WNT9A: variants seen among roughly 807,000 people sequenced by gnomAD.
WNT9A encodes the protein Wnt family member 9A.
In WNT9A, 8 loss-of-function variants were observed where a neutral mutation model predicts 31.4. The observed-to-expected ratio is 0.26, with a 90% CI of 0.15 to 0.46. WNT9A has a LOEUF of 0.46. Ranked by LOEUF, WNT9A falls within the 20% of genes least tolerant of loss-of-function variation. The pLI, the probability that WNT9A is intolerant of heterozygous loss-of-function variation, is 0.99. For missense variants in WNT9A, 457 were observed against 522.9 expected (o/e 0.87, Z 1.23); for synonymous variants, 236 against 220.1 (o/e 1.07, Z -0.64).
rs1023895002 is a variant in WNT9A, at chr1:227,925,487, G to A, written c.128C>T (p.Pro43Leu). Residue 43 changes from proline (P) to leucine (L), a missense_variant, in exon 2 of 4, where the codon CCG becomes CTG. Transcript: ENST00000272164. The surrounding 1 kb of genome is among the most constrained non-coding windows in gnomAD (Gnocchi z 6.0). ...LTGSEPLTIL[P>L]LTLEPEAAAQ... The stretch of plus-strand genomic sequence containing the variant: ...AGCCGCCTCTGGCTCCAGGGTCAGC[G>A]GGAGGATGGTCAGGGGCTCGCTGCC... The A allele has an allele frequency of 6.4e-6, 10 of 1,569,860 alleles. No homozygotes were observed. Among genetic ancestry groups the A allele is most frequent in the Admixed American group, 3.5e-5 (2 of 56,504 alleles).
intron 1 of WNT9A, among the ~76,000 whole-genome samples, chr1:227,940,359 C>T (rs942669287): frequency 6.6e-6 from 1 of 152,180 alleles, no homozygotes; most frequent in African/African-American, 2.4e-5. Context: ...GTGACCACAG[C>T]CCCCCATGGC....
At chr1:227,936,857 C>G (rs1666603540) in intron 1 of WNT9A, among the ~76,000 whole-genome samples, 1 of 152,186 alleles carries the variant, frequency 6.6e-6, no homozygotes, top group Admixed American at 6.5e-5. Flanking sequence ...TGGGAAGACA[C>G]TGGGCTTCTG....
rs751293485 is a variant in WNT9A at position 227,924,173 on chromosome 1, G to C, written c.580C>G (p.Arg194Gly). 6 of 1,378,356 alleles carry C rather than the reference G, an allele frequency of 4.4e-6. No individual in the cohort carries two copies. The East Asian group carries it at 2.6e-4, about 60-fold the overall frequency. 85.4% of individuals were successfully genotyped at this position (1,378,356 alleles called of 1,614,324 possible). The change falls in exon 3 of 4, where the codon CGT (arginine) becomes GGT (glycine). Residue 194 changes from arginine to glycine, a missense_variant. By Grantham distance (125) the Arg-to-Gly change is moderately radical. Coordinates refer to ENST00000272164, the MANE Select transcript of WNT9A (RefSeq NM_003395.4). ...ACGAGGTTGTTGTGGAAGTCCACAC[G>C]GGCTCGCAGATCCTTGCTTGACCGT... ...GRRSSKDLRA[R>G]VDFHNNLVGV...
intron 1 of WNT9A, among the ~76,000 whole-genome samples, chr1:227,946,436 C>A (rs942905958): frequency 6.6e-6 from 1 of 152,232 alleles, no homozygotes; most frequent in Admixed American, 6.5e-5. Context: ...CGGTGAGTCA[C>A]CGCGGACCTG....
chr1:227,941,173 C>T (rs558542456), intron 1 of WNT9A, among the ~76,000 whole-genome samples: 1 of 152,118 alleles, frequency 6.6e-6, no homozygotes, highest in African/African-American at 2.4e-5. Context: ...CTGTAGGACC[C>T]GGGGCTGGGC....
At position 227,922,801 on chromosome 1, in the gene WNT9A, C is replaced by A. The variant is rs560186200; in HGVS notation, c.616-801G>T. Reference sequence around the variant, plus strand: ...CAGGCCTGGTGGGGAGGTCCCTTCCCAGGTGGGACCCGAGCCAGGCGGCTC... The same window carrying A: ...CAGGCCTGGTGGGGAGGTCCCTTCCAAGGTGGGACCCGAGCCAGGCGGCTC... On this transcript the variant is annotated intron_variant, in intron 3 of 3. Coordinates refer to ENST00000272164, the MANE Select transcript of WNT9A (RefSeq NM_003395.4). Among the ~76,000 whole-genome samples, 17 of 152,350 alleles carry A rather than the reference C, an allele frequency of 1.1e-4. No individual in the cohort carries two copies. The South Asian group carries it at 3.5e-3, about 32-fold the overall frequency.
chr1:227,926,789 A>T lies in WNT9A; in HGVS notation c.96-1270T>A, dbSNP rs1666427275. On this transcript the variant is annotated intron_variant, in intron 1 of 3. Transcript: ENST00000272164. This position sits in a 1 kb window ranked among gnomAD's most constrained non-coding sequence, Gnocchi z 5.0. ...GTGCCAGCTTGGGAAGGCTCCCCCC[A>T]CACCCTCACATGGCCCTGCTAGACC... Among the ~76,000 whole-genome samples the T allele has an allele frequency of 6.6e-6, 1 of 151,856 alleles. No individual in the cohort carries two copies. The highest frequency in any genetic ancestry group is 1.5e-5 in the Non-Finnish European group (1 of 67,942).
chr1:227,924,455 A>G (rs1280398987), intron 2 of WNT9A, 55 bp from the exon 3 acceptor site: 4 of 1,567,292 alleles, frequency 2.6e-6, no homozygotes, highest in Non-Finnish European at 3.5e-6. Flanking sequence ...TTCCCCCTTC[A>G]CTGTCCTGCA....
In WNT9A at chr1:227,942,270, C is replaced by T. The variant is rs1311046382; in HGVS notation, c.95+5523G>A. On this transcript the variant is annotated intron_variant, in intron 1 of 3. Transcript: ENST00000272164. This position sits in a 1 kb window ranked among gnomAD's most constrained non-coding sequence, Gnocchi z 5.7. ...CTGCTGCTCCGTCCTTACCACACAC[C>T]CTCCACACCCTCCAGGGAGCCAGGA... Among the ~76,000 whole-genome samples the T allele has an allele frequency of 6.6e-6, 1 of 152,164 alleles. No homozygotes were observed. The highest frequency in any genetic ancestry group is 6.5e-5 in the Admixed American group (1 of 15,284).
At chr1:227,944,899 C>G (rs1246204600) in intron 1 of WNT9A, among the ~76,000 whole-genome samples, 1 of 152,242 alleles carries the variant, frequency 6.6e-6, no homozygotes, top group Non-Finnish European at 1.5e-5. Flanking sequence ...CAGACCTCAT[C>G]CCGAGCCAGC....
In WNT9A at chr1:227,921,870, G is replaced by C; in HGVS notation, c.746C>G (p.Thr249Arg). The change falls in exon 4 of 4, where the codon ACG becomes AGG. Residue 249 changes from threonine (T) to arginine (R), a missense_variant. Physicochemically the swap from Thr to Arg is moderately conservative, Grantham distance 71 (BLOSUM62 -1). Coordinates refer to ENST00000272164, the MANE Select transcript of WNT9A (RefSeq NM_003395.4). ...GGTGGTGCTGCCCACCTTGAGTGCC[G>C]TCTCATACTTGTGCTTCAGATGCTT... Reference protein sequence around the residue: ...VGKHLKHKYETALKVGSTTNE... With the variant: ...VGKHLKHKYERALKVGSTTNE... 1 of 1,613,144 alleles carries C rather than the reference G, an allele frequency of 6.2e-7. No homozygotes were observed. Among genetic ancestry groups the C allele is most frequent in the Non-Finnish European group, 8.5e-7 (1 of 1,179,932 alleles).
At chr1:227,941,603 G>C (rs1266061797) in intron 1 of WNT9A, 4 of 154,140 alleles carry the variant, frequency 2.6e-5, no homozygotes, top group Non-Finnish European at 5.9e-5. Context: ...CCGACCTCAA[G>C]GGACAGGCGA....
In WNT9A at chr1:227,920,606, T is replaced by G. The variant is rs1004667982; in HGVS notation, c.*912A>C. The G allele has an allele frequency of 6.6e-6, 1 of 152,116 alleles. No homozygotes were observed. The highest frequency in any genetic ancestry group is 2.4e-5 in the African/African-American group (1 of 41,468). The allele number at this position is 152,116 out of a possible 1,614,324, so 9.4% of individuals were successfully genotyped here. On this transcript the variant is annotated 3_prime_UTR_variant, in exon 4 of 4. Transcript: ENST00000272164. ...CAGGCTGCGTCCTCTTCTAGTGGTTTGAGTCTCTGAAGACAGTGCTGGTGT... is the reference window on the plus strand; with the variant it reads ...CAGGCTGCGTCCTCTTCTAGTGGTTGGAGTCTCTGAAGACAGTGCTGGTGT...
Position 227,944,628 on chromosome 1 carries a change from T to C in WNT9A, c.95+3165A>G, listed in dbSNP as rs1180401856. On this transcript the variant is annotated intron_variant, in intron 1 of 3. Transcript: ENST00000272164. ...GCTTCTGGACCAGTTCCAAGCACCTTTCCAGCCCCGATGGCTGGCTCTGGG... is the reference window on the plus strand; with the variant it reads ...GCTTCTGGACCAGTTCCAAGCACCTCTCCAGCCCCGATGGCTGGCTCTGGG... Among the ~76,000 whole-genome samples the C allele has an allele frequency of 5.3e-5, 8 of 152,214 alleles. No individual in the cohort carries two copies. The East Asian group carries it at 1.4e-3, about 26-fold the overall frequency.
chr1:227,938,711 C>T (rs536356020), intron 1 of WNT9A, among the ~76,000 whole-genome samples: 230 of 152,204 alleles, frequency 1.5e-3, no homozygotes, highest in South Asian at 2.7e-3. Context: ...TGTAAAAATT[C>T]GCTTTAGTTG....
chr1:227,928,998 G>A lies in WNT9A; in HGVS notation c.96-3479C>T, dbSNP rs1014181098. 3.3e-5 allele frequency among the ~76,000 whole-genome samples: 5 copies of A among 152,276 alleles called. No individual in the cohort carries two copies. Among genetic ancestry groups the A allele is most frequent in the African/African-American group, 1.2e-4 (5 of 41,538 alleles). ...CTCACACCCCAGACCAGGGGCCGGCGCTGTGCACGTGTGTGTGTGTGTCTG... is the reference window on the plus strand; with the variant it reads ...CTCACACCCCAGACCAGGGGCCGGCACTGTGCACGTGTGTGTGTGTGTCTG... On this transcript the variant is annotated intron_variant, in intron 1 of 3. Coordinates refer to ENST00000272164, the MANE Select transcript of WNT9A (RefSeq NM_003395.4). This position sits in a 1 kb window ranked among gnomAD's most constrained non-coding sequence, Gnocchi z 4.5.
chr1:227,922,785 T>TGG (rs1666345340), intron 3 of WNT9A, among the ~76,000 whole-genome samples: 1 of 152,170 alleles, frequency 6.6e-6, no homozygotes, highest in Non-Finnish European at 1.5e-5. Flanking sequence ...ACAGGCCTGG[T>TGG]GGGGAGGTCC....
Position 227,921,984 on chromosome 1 carries a change from A to G in WNT9A, c.632T>C (p.Val211Ala), listed in dbSNP as rs1316806510. 3 of 1,607,650 alleles carry G rather than the reference A, an allele frequency of 1.9e-6. No homozygotes were observed. The South Asian group carries it at 3.3e-5, about 18-fold the overall frequency. ...LVGVKVIKAG[V>A]ETTCKCHGVS... ...GCCGTGGCACTTGCAGGTGGTCTCC[A>G]CCCCAGCCTTGATCACCTGGCAGAA... The change falls in exon 4 of 4, where the codon GTG becomes GCG. Residue 211 changes from valine (V) to alanine (A), a missense_variant. Coordinates refer to ENST00000272164, the MANE Select transcript of WNT9A (RefSeq NM_003395.4).
Position 227,919,704 on chromosome 1 carries a change from C to T in WNT9A, c.*1814G>A, listed in dbSNP as rs1222489327. The T allele has an allele frequency of 1.5e-4, 22 of 143,164 alleles. 1 individual carries two copies. The highest frequency in any genetic ancestry group is 3.1e-4 in the Non-Finnish European group (20 of 64,762). 8.9% of individuals were successfully genotyped at this position (143,164 alleles called of 1,614,324 possible). A position where few individuals can be genotyped will look rare whatever the true frequency, so the allele number is the denominator to read the frequency against. On this transcript the variant is annotated 3_prime_UTR_variant, in exon 4 of 4. Coordinates refer to ENST00000272164, the MANE Select transcript of WNT9A (RefSeq NM_003395.4). ...GCCAGTATACACACACACACACACA[C>T]ACACACACACACACACACAGACCAT...
Sources: gnomAD v4.1 joint callset for allele counts (sites outside exome capture counted in the v4.1 genomes callset) on GRCh38, gnomAD v4.1.1 for gene constraint, Gnocchi (gnomAD v3.1) non-coding constraint, MANE v1.5 for transcripts, NCBI Gene and HGNC (gene_info 2026-07-23, HGNC 2026-07-21) for gene names.